Variants in DACH2 observed in about 807,000 individuals in gnomAD.
The protein encoded by DACH2 is dachshund homolog 2.
A neutral mutation model predicts 35.8 loss-of-function variants in DACH2; 17 were observed. The ratio of observed to expected loss-of-function variants is 0.48; its 90% CI spans 0.33 to 0.71. DACH2 has a LOEUF of 0.71. Ranked by LOEUF, DACH2 falls within the 30% of genes least tolerant of loss-of-function variation. The probability of loss-of-function intolerance (pLI) is 0.02; values close to 1 mark genes in which losing one functional copy is unlikely to be tolerated. For synonymous variants in DACH2, 195 were observed against 177.3 expected, an observed-to-expected ratio of 1.10 and a Z score of -0.79; for missense variants, 469 against 472.7, an observed-to-expected ratio of 0.99 and a Z score of 0.07.
At chrX:86,564,704 T>G (rs2039272586) in intron 3 of DACH2, among the ~76,000 whole-genome samples, 1 of 111,520 alleles carries the variant, frequency 9.0e-6, no homozygotes, top group Non-Finnish European at 1.9e-5. Context: ...ATATGAAATC[T>G]TCTAACAGCA....
intron 2 of DACH2, among the ~76,000 whole-genome samples, chrX:86,454,868 T>C (rs149193569): frequency 2.7e-5 from 3 of 112,347 alleles, no homozygotes. Context: ...TTTTTTTGAA[T>C]TTTCAGCATT....
intron 2 of DACH2, among the ~76,000 whole-genome samples, chrX:86,430,146 T>G (rs1244582717): frequency 8.9e-6 from 1 of 112,190 alleles, no homozygotes; most frequent in Non-Finnish European, 1.9e-5. Flanking sequence ...TTTTATAGTT[T>G]CTATTATTTT....
At chrX:86,174,227 A>C (rs187170331) in intron 1 of DACH2, among the ~76,000 whole-genome samples, 1,332 of 105,902 alleles carry the variant, frequency 0.013, 24 homozygotes, top group African/African-American at 0.044. Flanking sequence ...AGCTCAAGCG[A>C]TCATACTGCC....
At chrX:86,444,240 G>A (rs947528254) in intron 2 of DACH2, among the ~76,000 whole-genome samples, 1 of 111,156 alleles carries the variant, frequency 9.0e-6, no homozygotes, top group South Asian at 3.7e-4. Flanking sequence ...CACACACCAC[G>A]ATAACTGGTA....
chrX:86,705,028 T>TTATATATATATATGTATCTCACA (rs1556379498), intron 5 of DACH2, among the ~76,000 whole-genome samples: 3 of 34,921 alleles, frequency 8.6e-5, no homozygotes, highest in Non-Finnish European at 1.7e-4. Flanking sequence ...ACAGAAATTG[T>TTATATATATATATGTATCTCACA]TATATATATA....
chrX:86,449,914 C>A (rs2037340930), intron 2 of DACH2, among the ~76,000 whole-genome samples: 1 of 111,538 alleles, frequency 9.0e-6, no homozygotes, highest in African/African-American at 3.2e-5. Context: ...ATGTGATTCA[C>A]TCACCATTGT....
At chrX:86,304,835 TAGC>T in intron 1 of DACH2, 1 of 146,665 alleles carries the variant, frequency 6.8e-6, no homozygotes. Context: ...AGACCAATGG[TAGC>T]AGCAGCAGCT....
intron 1 of DACH2, among the ~76,000 whole-genome samples, chrX:86,176,027 C>A (rs191578009): frequency 9.0e-6 from 1 of 111,346 alleles, no homozygotes; most frequent in Non-Finnish European, 1.9e-5. Flanking sequence ...AATTTCACCA[C>A]GTAAAGCTGT....
intron 3 of DACH2, among the ~76,000 whole-genome samples, chrX:86,613,176 A>T (rs1471918720): frequency 9.0e-6 from 1 of 111,483 alleles, no homozygotes; most frequent in African/African-American, 3.3e-5. Flanking sequence ...CCCACCTATA[A>T]TTATCAGCTT....
intron 4 of DACH2, among the ~76,000 whole-genome samples, chrX:86,667,650 C>T: frequency 9.1e-6 from 1 of 109,434 alleles, no homozygotes. Context: ...ACTTTCCTTC[C>T]ACAATAAAAG....
chrX:86,205,480 CCCTCCTTCCCTCCTTCCTTCCT>C (rs2032278287), intron 1 of DACH2, among the ~76,000 whole-genome samples: 4 of 51,662 alleles, frequency 7.7e-5, no homozygotes, highest in African/African-American at 5.5e-4. Flanking sequence ...TTCCCTCCTT[CCCTCCTTCCCTCCTTCCTTCCT>C]TCCTTCCTTC....
At position 86,832,057 on chromosome X, in the gene DACH2, T is replaced by C; in HGVS notation, c.1751-49T>C. 4.5e-6 allele frequency: 4 copies of C among 889,337 alleles called. No homozygotes were observed. In the Admixed American group the frequency reaches 9.8e-5, roughly 22 times the overall value. The allele number at this position is 889,337 out of a possible 1,213,427, so 73.3% of individuals were successfully genotyped here. ...AGAAGTTTTAGTATTTTTAAGCACG[T>C]ATCAGAATGACTCTTCATAAGAACT... On this transcript the variant is annotated intron_variant, in intron 11 of 11. Coordinates refer to ENST00000373125, the MANE Select transcript of DACH2 (RefSeq NM_053281.3).
intron 1 of DACH2, among the ~76,000 whole-genome samples, chrX:86,275,693 C>T (rs1385983843): frequency 1.8e-5 from 2 of 111,886 alleles, no homozygotes; most frequent in Non-Finnish European, 3.8e-5. Flanking sequence ...CCACCTCCCC[C>T]TTACTCTCCC....
At chrX:86,440,488 T>A (rs1257642296) in intron 2 of DACH2, among the ~76,000 whole-genome samples, 7 of 111,779 alleles carry the variant, frequency 6.3e-5, no homozygotes, top group Admixed American at 5.7e-4. Flanking sequence ...TTTACTTTTT[T>A]AATTTGCATA....
intron 1 of DACH2, among the ~76,000 whole-genome samples, chrX:86,221,606 A>G (rs1212028170): frequency 2.7e-5 from 3 of 111,902 alleles, no homozygotes. Context: ...TGCCATTTGG[A>G]TTTTGATGGG....
Position 86,291,975 on chromosome X carries a change from G to A in DACH2, c.489-84849G>A, listed in dbSNP as rs1238201969. On this transcript the variant is annotated intron_variant, in intron 1 of 11. Coordinates refer to ENST00000373125, the MANE Select transcript of DACH2 (RefSeq NM_053281.3). The stretch of plus-strand genomic sequence containing the variant: ...AGGGAGGATTCCCTCTTTTTCTATT[G>A]ATTGGAATAGTTTCAGAAGGAATGG... Among the ~76,000 whole-genome samples, 84 of 69,103 alleles carry A rather than the reference G, an allele frequency of 1.2e-3. 6 individuals carry two copies. The highest frequency in any genetic ancestry group is 5.2e-3 in the African/African-American group (76 of 14,549). 60.0% of individuals were successfully genotyped at this position (69,103 alleles called of 115,157 possible).
chrX:86,499,091 G>T (rs1200360623), intron 2 of DACH2, among the ~76,000 whole-genome samples: 4 of 111,666 alleles, frequency 3.6e-5, no homozygotes, highest in Non-Finnish European at 5.6e-5. Context: ...ATATGCATAG[G>T]TACTTTACTT....
At chrX:86,358,486 C>T (rs1187998224) in intron 1 of DACH2, among the ~76,000 whole-genome samples, 1 of 101,047 alleles carries the variant, frequency 9.9e-6, no homozygotes, top group Non-Finnish European at 2.0e-5. Flanking sequence ...CACACAATCC[C>T]AGAGAGAGCT....
intron 6 of DACH2, among the ~76,000 whole-genome samples, chrX:86,718,172 T>C (rs2041359795): frequency 9.0e-6 from 1 of 111,525 alleles, no homozygotes; most frequent in Admixed American, 9.6e-5. Context: ...TTATTTTTTC[T>C]TTTGAAAAAT....
Sources: allele counts gnomAD v4.1 joint callset (sites outside exome capture counted in the v4.1 genomes callset), GRCh38; gene constraint gnomAD v4.1.1; transcripts MANE v1.5; gene names NCBI Gene and HGNC (gene_info 2026-07-23, HGNC 2026-07-21).